The following B3GNT2 variants were observed in gnomAD, a reference collection of about 807,000 sequenced individuals.
The protein encoded by B3GNT2 is N-acetyllactosaminide beta-1,3-N-acetylglucosaminyltransferase 2.
Under a neutral mutation model 27.6 loss-of-function variants are expected in B3GNT2, and 12 were observed. That is an observed-to-expected ratio of 0.44 (90% confidence interval 0.28 to 0.71). The LOEUF (loss-of-function observed/expected upper bound fraction) is 0.71. Among genes scored for constraint, B3GNT2 ranks in the 30% least tolerant of loss-of-function variants. The probability of loss-of-function intolerance (pLI) is 0.17; values close to 1 mark genes in which losing one functional copy is unlikely to be tolerated. For missense variants in B3GNT2, 413 were observed against 488.5 expected, an observed-to-expected ratio of 0.85 and a Z score of 1.46; for synonymous variants, 192 against 189.7, an observed-to-expected ratio of 1.01 and a Z score of -0.10.
At chr2:62,221,685 C>CT in intron 1 of B3GNT2, 2 of 335,454 alleles carry the variant, frequency 6.0e-6, no homozygotes, top group Non-Finnish European at 1.2e-5. Context: ...TAGAAGAGAA[C>CT]TTGAGAGTGA....
At chr2:62,203,155 A>G (rs747512575) in intron 1 of B3GNT2, among the ~76,000 whole-genome samples, 36 of 152,194 alleles carry the variant, frequency 2.4e-4, no homozygotes, top group Non-Finnish European at 4.9e-4. Flanking sequence ...GAGTTAGGCC[A>G]CTTCATTAAA....
chr2:62,215,088 C>T (rs1674547497), intron 1 of B3GNT2, among the ~76,000 whole-genome samples: 1 of 152,072 alleles, frequency 6.6e-6, no homozygotes, highest in Admixed American at 6.5e-5. Context: ...CCACACTGGG[C>T]TTTCGGGGGG....
At chr2:62,202,713 A>G (rs1011398566) in intron 1 of B3GNT2, among the ~76,000 whole-genome samples, 1 of 152,214 alleles carries the variant, frequency 6.6e-6, no homozygotes, top group Non-Finnish European at 1.5e-5. Flanking sequence ...AGTTTCTCTC[A>G]GAAAGAAGCT....
chr2:62,218,533 A>G (rs1470662528), intron 1 of B3GNT2, among the ~76,000 whole-genome samples: 1 of 152,080 alleles, frequency 6.6e-6, no homozygotes, highest in Non-Finnish European at 1.5e-5. Context: ...CTCTTTAACT[A>G]TCAATGTACC....
chr2:62,210,282 C>G (rs1206481369), intron 1 of B3GNT2, among the ~76,000 whole-genome samples: 1 of 152,190 alleles, frequency 6.6e-6, no homozygotes, highest in Non-Finnish European at 1.5e-5. Flanking sequence ...ACTGACTCCA[C>G]TGGGATTAGC....
intron 1 of B3GNT2, among the ~76,000 whole-genome samples, chr2:62,211,937 G>A (rs78554571): frequency 2.0e-5 from 3 of 152,288 alleles, no homozygotes; most frequent in African/African-American, 7.2e-5. Context: ...TCAGTGTATA[G>A]GACCCATGTT....
At chr2:62,211,810 C>T (rs1030136868) in intron 1 of B3GNT2, among the ~76,000 whole-genome samples, 3 of 152,184 alleles carry the variant, frequency 2.0e-5, no homozygotes, top group Non-Finnish European at 4.4e-5. Context: ...CCATGTCTTG[C>T]CTGCCCTGCT....
chr2:62,214,333 C>G (rs1303241026), intron 1 of B3GNT2, among the ~76,000 whole-genome samples: 1 of 152,068 alleles, frequency 6.6e-6, no homozygotes, highest in African/African-American at 2.4e-5. Flanking sequence ...ATTGCAGGCT[C>G]TGGAATAGAG....
intron 1 of B3GNT2, chr2:62,221,707 C>G (rs1031349585): frequency 1.9e-5 from 7 of 372,882 alleles, no homozygotes; most frequent in Admixed American, 1.0e-4. Flanking sequence ...TGACATGGAA[C>G]TGCACACAAT....
intron 1 of B3GNT2, among the ~76,000 whole-genome samples, chr2:62,217,681 C>T (rs758759214): frequency 1.3e-5 from 2 of 152,336 alleles, no homozygotes; most frequent in Non-Finnish European, 2.9e-5. Flanking sequence ...CGGTCCCCAG[C>T]GTGCGGCGGA....
chr2:62,216,225 C>G (rs1674570208), intron 1 of B3GNT2, among the ~76,000 whole-genome samples: 1 of 152,020 alleles, frequency 6.6e-6, no homozygotes, highest in Admixed American at 6.6e-5. Flanking sequence ...AGTCTAGTGT[C>G]CATGAGTGAA....
Position 62,223,173 on chromosome 2 carries a change from G to A in B3GNT2, c.953G>A (p.Arg318Lys). ...GFLYSGHLAL[R>K]LYHITDQVHL... ...CTCTACTCCGGCCACCTGGCCCTGA[G>A]GCTGTACCATATCACTGACCAGGTC... The change falls in exon 2 of 2, where the codon AGG (arginine) becomes AAG (lysine). Residue 318 changes from arginine to lysine, a missense_variant. Arg to Lys is a conservative substitution (Grantham distance 26). Transcript: ENST00000301998. 6.2e-7 allele frequency: 1 copy of A among 1,614,176 alleles called. No homozygotes were observed. The highest frequency in any genetic ancestry group is 8.5e-7 in the Non-Finnish European group (1 of 1,180,018).
chr2:62,199,654 A>G (rs144570312), intron 1 of B3GNT2, among the ~76,000 whole-genome samples: 31 of 152,356 alleles, frequency 2.0e-4, no homozygotes, highest in African/African-American at 7.5e-4. Flanking sequence ...TTTGGTGTGT[A>G]CAGAAGGTTA....
At chr2:62,211,363 C>T (rs958086086) in intron 1 of B3GNT2, among the ~76,000 whole-genome samples, 3 of 151,970 alleles carry the variant, frequency 2.0e-5, no homozygotes, top group South Asian at 4.2e-4. Flanking sequence ...CCCCCCCGTC[C>T]CCCCCAAAAA....
rs562827352 is a variant in B3GNT2 at position 62,219,748 on chromosome 2, A to G, written c.-9-2464A>G. On this transcript the variant is annotated intron_variant, in intron 1 of 1. Transcript: ENST00000301998. The stretch of plus-strand genomic sequence containing the variant: ...AGTTAGAGAGAACCTTTTCTTTTTG[A>G]GAAGTATTTGAGAAATAACTGGAGT... Among the ~76,000 whole-genome samples the G allele has an allele frequency of 9.2e-5, 14 of 152,306 alleles. 1 individual carries two copies. In the South Asian group the frequency reaches 2.9e-3, roughly 32 times the overall value.
intron 1 of B3GNT2, among the ~76,000 whole-genome samples, chr2:62,206,385 G>C (rs997027264): frequency 6.6e-6 from 1 of 152,198 alleles, no homozygotes; most frequent in East Asian, 1.9e-4. Flanking sequence ...CCACTTGACT[G>C]TGTATCCAAT....
chr2:62,223,533 C>T lies in B3GNT2; in HGVS notation c.*119C>T. On this transcript the variant is annotated 3_prime_UTR_variant, in exon 2 of 2. Coordinates refer to ENST00000301998, the MANE Select transcript of B3GNT2 (RefSeq NM_006577.6). ...GAAAATTGCCTTTATGAGTGATACCCATTTGAGGGCCTCTAAACCCTTCAA... is the reference window on the plus strand; with the variant it reads ...GAAAATTGCCTTTATGAGTGATACCTATTTGAGGGCCTCTAAACCCTTCAA... The T allele has an allele frequency of 1.2e-6, 1 of 849,276 alleles. No homozygotes were observed. The highest frequency in any genetic ancestry group is 1.8e-6 in the Non-Finnish European group (1 of 550,020). 52.6% of individuals were successfully genotyped at this position (849,276 alleles called of 1,614,324 possible). A position where few individuals can be genotyped will look rare whatever the true frequency, so the allele number is the denominator to read the frequency against.
chr2:62,208,764 C>T (rs1573262640), intron 1 of B3GNT2, among the ~76,000 whole-genome samples: 2 of 152,240 alleles, frequency 1.3e-5, no homozygotes, highest in South Asian at 4.1e-4. Flanking sequence ...CTGTCCCTCC[C>T]CTTCTTGTTC....
chr2:62,217,668 T>C (rs145892156), intron 1 of B3GNT2, among the ~76,000 whole-genome samples: 1 of 152,252 alleles, frequency 6.6e-6, no homozygotes, highest in African/African-American at 2.4e-5. Flanking sequence ...GTGTGCTGTA[T>C]CCCGGTCCCC....
Sources: allele counts gnomAD v4.1 joint callset (sites outside exome capture counted in the v4.1 genomes callset), GRCh38; gene constraint gnomAD v4.1.1; transcripts MANE v1.5; gene names NCBI Gene and HGNC (gene_info 2026-07-23, HGNC 2026-07-21).